CDCP2: variants seen among roughly 807,000 people sequenced by gnomAD.
The protein encoded by CDCP2 is CUB domain-containing protein 2.
In CDCP2, 31 loss-of-function variants were observed where a neutral mutation model predicts 31.0. The ratio of observed to expected loss-of-function variants is 1.00; its 90% confidence interval spans 0.75 to 1.35. CDCP2 has a LOEUF of 1.35. Among genes scored for constraint, CDCP2 ranks in the 40% most tolerant of loss-of-function variants. The pLI is 0.00. For missense variants in CDCP2, 443 were observed against 482.6 expected (o/e 0.92, Z 0.77); for synonymous variants, 206 against 207.9 (o/e 0.99, Z 0.08).
chr1:54,141,809 G>C (rs1173174084), intron 2 of CDCP2: 1 of 180,526 alleles, frequency 5.5e-6, no homozygotes, highest in Non-Finnish European at 1.2e-5. Context: ...GCCCCCAGGT[G>C]GGGAGGGAGG....
At chr1:54,140,515 T>G (rs890045378) in intron 3 of CDCP2, 2 of 277,932 alleles carry the variant, frequency 7.2e-6, no homozygotes, top group Admixed American at 1.0e-4. Context: ...CCAAACACTC[T>G]CTGCCCTCCA....
At chr1:54,151,250 G>A (rs141605836) in intron 1 of CDCP2, among the ~76,000 whole-genome samples, 7 of 152,286 alleles carry the variant, frequency 4.6e-5, no homozygotes, top group Non-Finnish European at 1.0e-4. Context: ...GTGACTGTGA[G>A]CACTGATGAG....
At chr1:54,137,694 T>TGTGTGTGTGTGTGTGTGTGTGCGCGCGC (rs1474214550) in intron 4 of CDCP2, 1 of 118,318 alleles carries the variant, frequency 8.5e-6, no homozygotes, top group African/African-American at 3.3e-5. Context: ...CGTGTGTGTG[T>TGTGTGTGTGTGTGTGTGTGTGCGCGCGC]GTGTGTGTGT....
intron 1 of CDCP2, among the ~76,000 whole-genome samples, chr1:54,149,317 G>T (rs984641193): frequency 1.3e-5 from 2 of 151,874 alleles, no homozygotes; most frequent in Non-Finnish European, 2.9e-5. Context: ...CTCTGTTAGA[G>T]ACACATTCTG....
At chr1:54,145,498 A>G (rs754658919) in intron 1 of CDCP2, among the ~76,000 whole-genome samples, 2 of 152,198 alleles carry the variant, frequency 1.3e-5, no homozygotes, top group Non-Finnish European at 2.9e-5. Flanking sequence ...ATGGAGAAAA[A>G]GCAAGCCAGG....
intron 1 of CDCP2, among the ~76,000 whole-genome samples, chr1:54,151,405 C>G (rs763832681): frequency 1.3e-5 from 2 of 152,200 alleles, no homozygotes; most frequent in Non-Finnish European, 2.9e-5. Flanking sequence ...TGTTATTGTC[C>G]TTCTCCCAGC....
At chr1:54,136,289 C>T (rs780667589) in intron 5 of CDCP2, among the ~76,000 whole-genome samples, 1 of 152,146 alleles carries the variant, frequency 6.6e-6, no homozygotes, top group Non-Finnish European at 1.5e-5. Flanking sequence ...GCTGGCAGCT[C>T]AGCCAGCAGG....
chr1:54,132,991 T>TGGC, exon 6 of CDCP2: 1 of 398,988 alleles, frequency 2.5e-6, no homozygotes, highest in Non-Finnish European at 4.4e-6. Context: ...AAGACCACGA[T>TGGC]GGCAATAACC....
chr1:54,141,587 G>A (rs1557707101), intron 2 of CDCP2, 154 bp from the exon 3 acceptor site: 4 of 646,328 alleles, frequency 6.2e-6, no homozygotes, highest in Non-Finnish European at 1.1e-5. Context: ...AGTAGCAAGT[G>A]TAGCACGTGC....
chr1:54,141,181 A>G (rs1160165955), exon 3 of CDCP2: 1 of 1,590,078 alleles, frequency 6.3e-7, no homozygotes, highest in South Asian at 1.1e-5. Context: ...GCCCAGAGAC[A>G]CGAGGGTGGG....
At position 54,146,856 on chromosome 1, in the gene CDCP2, G is replaced by A. The variant is rs186853197; in HGVS notation, c.80-2043C>T. On this transcript the variant is annotated intron_variant, in intron 1 of 5. Transcript: ENST00000530059. ...TGCCTGTAATCCCAGTGGGCGGATC[G>A]TTTGAGCTCACCAGTTCGAGACCAG... 1.5e-4 allele frequency among the ~76,000 whole-genome samples: 23 copies of A among 151,646 alleles called. No homozygotes were observed. In the East Asian group the frequency reaches 4.1e-3, roughly 27 times the overall value.
At chr1:54,143,230 CTTGGG>C (rs1570065645) in intron 2 of CDCP2, among the ~76,000 whole-genome samples, 4 of 152,088 alleles carry the variant, frequency 2.6e-5, no homozygotes, top group Admixed American at 2.6e-4. Context: ...ATCCCAGCTA[CTTGGG>C]AGGCTGAGGC....
intron 1 of CDCP2, among the ~76,000 whole-genome samples, chr1:54,149,583 C>A (rs771077936): frequency 2.9e-4 from 44 of 152,252 alleles, no homozygotes; most frequent in Non-Finnish European, 4.3e-4. Context: ...CCTTCCCTAA[C>A]CACCTGATTT....
At chr1:54,144,777 C>A (rs1420016207) in exon 2 of CDCP2, 1 of 1,613,662 alleles carries the variant, frequency 6.2e-7, no homozygotes, top group Non-Finnish European at 8.5e-7. Context: ...GGAGAAGTTT[C>A]CAGAAGGTGC....
At chr1:54,133,703 T>C (rs367676165) in intron 5 of CDCP2, among the ~76,000 whole-genome samples, 2 of 152,252 alleles carry the variant, frequency 1.3e-5, no homozygotes, top group East Asian at 3.9e-4. Flanking sequence ...GAGACCATCC[T>C]GACTAACACC....
At chr1:54,149,920 C>T (rs549152171) in intron 1 of CDCP2, among the ~76,000 whole-genome samples, 5 of 152,206 alleles carry the variant, frequency 3.3e-5, no homozygotes, top group Non-Finnish European at 7.3e-5. Flanking sequence ...AAACTGAGCC[C>T]GGGAAAGGGA....
At chr1:54,135,559 A>G (rs2026110) in intron 5 of CDCP2, among the ~76,000 whole-genome samples, 124,100 of 152,124 alleles carry the variant, frequency 0.82, 51,192 homozygotes, top group East Asian at 0.98. Flanking sequence ...TCTATGAGTC[A>G]TTGGTTCTAG....
chr1:54,149,363 T>C (rs188862617), intron 1 of CDCP2, among the ~76,000 whole-genome samples: 2 of 151,844 alleles, frequency 1.3e-5, no homozygotes, highest in African/African-American at 4.9e-5. Flanking sequence ...GCATCTGAGA[T>C]AGGCTTTAGA....
intron 1 of CDCP2, among the ~76,000 whole-genome samples, chr1:54,149,214 G>C (rs961461552): frequency 6.6e-6 from 1 of 151,456 alleles, no homozygotes; most frequent in East Asian, 1.9e-4. Context: ...CTGGGTGACA[G>C]AGAGAGACCT....
Sources: allele counts gnomAD v4.1 joint callset (sites outside exome capture counted in the v4.1 genomes callset), GRCh38; gene constraint gnomAD v4.1.1; transcripts MANE v1.5; gene names NCBI Gene and HGNC (gene_info 2026-07-23, HGNC 2026-07-21).